RALYL: variants seen among roughly 807,000 people sequenced by gnomAD.
The protein encoded by RALYL is RALY RNA binding protein like.
In RALYL, 29 loss-of-function variants were observed where a neutral mutation model predicts 35.1. That is an observed-to-expected ratio of 0.83 (90% CI 0.61 to 1.13). The LOEUF (loss-of-function observed/expected upper bound fraction) is 1.13, where lower values mean the gene tolerates loss of function less well. RALYL is among the 50% of genes most tolerant of loss of function. The pLI is 0.00. For synonymous variants in RALYL, 120 were observed against 127.6 expected, an observed-to-expected ratio of 0.94 and a Z score of 0.40; for missense variants, 359 against 360.4, an observed-to-expected ratio of 1.00 and a Z score of 0.03.
chr8:84,361,059 A>C (rs754304595), intron 1 of RALYL, among the ~76,000 whole-genome samples: 7 of 152,152 alleles, frequency 4.6e-5, no homozygotes, highest in Non-Finnish European at 8.8e-5. Context: ...TTCTTTAGTA[A>C]GAATGAAATG....
intron 1 of RALYL, among the ~76,000 whole-genome samples, chr8:84,526,977 C>A (rs535833687): frequency 6.6e-6 from 1 of 152,098 alleles, no homozygotes. Flanking sequence ...GTTACTCCAT[C>A]GTGGCTGAAA....
intron 1 of RALYL, among the ~76,000 whole-genome samples, chr8:84,393,893 A>G (rs773487754): frequency 5.9e-5 from 9 of 152,128 alleles, no homozygotes; most frequent in Non-Finnish European, 1.0e-4. Context: ...TAAGCATGCA[A>G]ATAATGATAA....
intron 1 of RALYL, among the ~76,000 whole-genome samples, chr8:84,188,281 C>A (rs1425972145): frequency 2.0e-5 from 3 of 152,056 alleles, no homozygotes; most frequent in Middle Eastern, 3.4e-3. Context: ...TTTTATCATA[C>A]TGTCATTATG....
chr8:84,518,512 A>G (rs1383120819), intron 1 of RALYL, among the ~76,000 whole-genome samples: 1 of 152,200 alleles, frequency 6.6e-6, no homozygotes, highest in Non-Finnish European at 1.5e-5. Context: ...AGTTGAATTT[A>G]AGGAATGTGT....
chr8:84,194,086 G>T (rs371961240), intron 1 of RALYL, among the ~76,000 whole-genome samples: 2 of 152,192 alleles, frequency 1.3e-5, no homozygotes, highest in African/African-American at 4.8e-5. Context: ...TATTTCTAGC[G>T]TTTGACAGTG....
At chr8:84,593,742 T>G (rs574937318) in intron 2 of RALYL, among the ~76,000 whole-genome samples, 80 of 152,200 alleles carry the variant, frequency 5.3e-4, no homozygotes, top group Middle Eastern at 3.4e-3. Context: ...AGTTTATTCA[T>G]TCTTCACCTT....
At chr8:84,752,826 G>A (rs576047420) in intron 2 of RALYL, among the ~76,000 whole-genome samples, 11 of 152,322 alleles carry the variant, frequency 7.2e-5, no homozygotes, top group Admixed American at 5.2e-4. Flanking sequence ...AGATTTCAAC[G>A]GATGTATGGA....
intron 1 of RALYL, among the ~76,000 whole-genome samples, chr8:84,289,127 T>A (rs1005785059): frequency 3.3e-5 from 5 of 152,062 alleles, no homozygotes; most frequent in African/African-American, 1.2e-4. Context: ...GTTTCATAAT[T>A]AAAGCAAGGC....
At chr8:84,677,214 C>A (rs190048806) in intron 2 of RALYL, among the ~76,000 whole-genome samples, 1 of 152,088 alleles carries the variant, frequency 6.6e-6, no homozygotes, top group African/African-American at 2.4e-5. Flanking sequence ...TTGTTTTTCC[C>A]GAGTTGTCAA....
intron 2 of RALYL, among the ~76,000 whole-genome samples, chr8:84,615,408 G>C (rs1819271674): frequency 1.3e-5 from 2 of 150,730 alleles, no homozygotes; most frequent in Admixed American, 6.6e-5. Flanking sequence ...ATCAATGTCA[G>C]TATGTATTTA....
chr8:84,626,236 G>A (rs931221528), intron 2 of RALYL, among the ~76,000 whole-genome samples: 1 of 152,188 alleles, frequency 6.6e-6, no homozygotes, highest in African/African-American at 2.4e-5. Flanking sequence ...TGAACATACT[G>A]AGATAAAGCT....
At chr8:84,323,123 T>C (rs904010389) in intron 1 of RALYL, among the ~76,000 whole-genome samples, 3 of 152,092 alleles carry the variant, frequency 2.0e-5, no homozygotes, top group Non-Finnish European at 2.9e-5. Flanking sequence ...GCAAGGACTA[T>C]AACTTATTCA....
intron 1 of RALYL, among the ~76,000 whole-genome samples, chr8:84,187,656 G>A (rs1433332797): frequency 6.6e-6 from 1 of 151,988 alleles, no homozygotes; most frequent in African/African-American, 2.4e-5. Context: ...ACAAATAAAT[G>A]ATGCCTTAAG....
At chr8:84,772,328 G>A (rs1448657722) in intron 2 of RALYL, among the ~76,000 whole-genome samples, 1 of 151,960 alleles carries the variant, frequency 6.6e-6, no homozygotes, top group Non-Finnish European at 1.5e-5. Context: ...TCATGGCTAT[G>A]TTTGGCCTTT....
intron 1 of RALYL, among the ~76,000 whole-genome samples, chr8:84,453,947 C>T (rs1052128085): frequency 1.3e-5 from 2 of 151,964 alleles, no homozygotes; most frequent in Non-Finnish European, 2.9e-5. Context: ...CAGATGTAGG[C>T]TAATTCAATC....
At chr8:84,382,821 G>T (rs558046248) in intron 1 of RALYL, among the ~76,000 whole-genome samples, 1 of 151,628 alleles carries the variant, frequency 6.6e-6, no homozygotes, top group Admixed American at 6.6e-5. Flanking sequence ...AAGCAAAAAG[G>T]GTTATTTCAT....
intron 2 of RALYL, among the ~76,000 whole-genome samples, chr8:84,716,763 A>G (rs986698744): frequency 2.0e-5 from 3 of 152,316 alleles, no homozygotes; most frequent in South Asian, 2.1e-4. Flanking sequence ...AACCCAAGCT[A>G]GAGTTTGAGA....
At chr8:84,687,418 AC>A (rs1837037635) in intron 2 of RALYL, among the ~76,000 whole-genome samples, 1 of 152,132 alleles carries the variant, frequency 6.6e-6, no homozygotes, top group Non-Finnish European at 1.5e-5. Flanking sequence ...AGTGAAAACA[AC>A]ATTATTATTT....
intron 8 of RALYL, among the ~76,000 whole-genome samples, chr8:84,898,207 C>T (rs1416565493): frequency 6.6e-6 from 1 of 152,160 alleles, no homozygotes; most frequent in Non-Finnish European, 1.5e-5. Context: ...CAGGCTCTAA[C>T]CCAGGCTTAC....
Sources: allele counts gnomAD v4.1 joint callset (sites outside exome capture counted in the v4.1 genomes callset), GRCh38; gene constraint gnomAD v4.1.1; transcripts MANE v1.5; gene names NCBI Gene and HGNC (gene_info 2026-07-23, HGNC 2026-07-21).